Variants in PIP4K2A observed in about 807,000 individuals in gnomAD.
PIP4K2A encodes phosphatidylinositol 5-phosphate 4-kinase type-2 alpha.
A neutral mutation model predicts 42.9 loss-of-function variants in PIP4K2A; 14 were observed. The observed-to-expected ratio is 0.33, with a 90% confidence interval of 0.22 to 0.51. The LOEUF (loss-of-function observed/expected upper bound fraction) is 0.51, where lower values mean the gene tolerates loss of function less well. Among genes scored for constraint, PIP4K2A ranks in the 20% least tolerant of loss-of-function variants. PIP4K2A has a pLI of 0.97. For synonymous variants in PIP4K2A, 192 were observed against 192.2 expected (o/e 1.00, Z 0.01); for missense variants, 434 against 519.8 (o/e 0.83, Z 1.61).
rs576654595 is a variant in PIP4K2A at position 22,677,469 on chromosome 10, T to C, written c.144+36714A>G. On this transcript the variant is annotated intron_variant, in intron 1 of 9. Transcript: ENST00000376573. ...CAGGCTCTCAGGCTGCATTTTACAC[T>C]GGGGCACAACTCCCTGCAGATAGCC... Among the ~76,000 whole-genome samples the C allele has an allele frequency of 3.1e-3, 477 of 152,238 alleles. 2 individuals are homozygous for C. Among genetic ancestry groups the C allele is most frequent in the African/African-American group, 0.011 (447 of 41,544 alleles).
At chr10:22,654,428 G>A (rs747473002) in intron 1 of PIP4K2A, among the ~76,000 whole-genome samples, 2 of 152,140 alleles carry the variant, frequency 1.3e-5, no homozygotes, top group Admixed American at 6.5e-5. Flanking sequence ...GATCCAAATC[G>A]TAAGTACAAA....
At chr10:22,577,908 C>T (rs1159183232) in intron 4 of PIP4K2A, among the ~76,000 whole-genome samples, 1 of 152,216 alleles carries the variant, frequency 6.6e-6, no homozygotes, top group Non-Finnish European at 1.5e-5. Context: ...CTTGAACGTA[C>T]ACTTTGAGGG....
intron 5 of PIP4K2A, among the ~76,000 whole-genome samples, chr10:22,572,959 T>A (rs557302909): frequency 1.3e-4 from 20 of 152,376 alleles, no homozygotes; most frequent in African/African-American, 4.6e-4. Context: ...CTTCTGGGTA[T>A]GCTCTATGAC....
chr10:22,708,431 T>C (rs1262611202), intron 1 of PIP4K2A, among the ~76,000 whole-genome samples: 1 of 152,176 alleles, frequency 6.6e-6, no homozygotes, highest in East Asian at 1.9e-4. Context: ...CCAGCCCTAG[T>C]GGCTCCCGAG....
At chr10:22,616,024 C>T (rs1169057078) in intron 1 of PIP4K2A, among the ~76,000 whole-genome samples, 3 of 134,724 alleles carry the variant, frequency 2.2e-5, no homozygotes, top group Non-Finnish European at 3.5e-5. Context: ...CCTTGCTGCC[C>T]GGCCATTGGG....
At chr10:22,624,870 A>G (rs1474793161) in intron 1 of PIP4K2A, among the ~76,000 whole-genome samples, 2 of 152,234 alleles carry the variant, frequency 1.3e-5, no homozygotes, top group African/African-American at 4.8e-5. Flanking sequence ...TGTGTCACCT[A>G]TGAAAACTTT....
chr10:22,663,666 T>G (rs896035790), intron 1 of PIP4K2A, among the ~76,000 whole-genome samples: 2 of 152,116 alleles, frequency 1.3e-5, no homozygotes, highest in African/African-American at 4.8e-5. Context: ...TTGATATATA[T>G]TCTTCTAGAC....
intron 1 of PIP4K2A, among the ~76,000 whole-genome samples, chr10:22,674,217 G>C (rs2130865293): frequency 6.6e-6 from 1 of 152,184 alleles, no homozygotes; most frequent in Non-Finnish European, 1.5e-5. Flanking sequence ...TCTTGTGCAT[G>C]GTGGGTATTC....
chr10:22,545,908 G>A (rs777596705), intron 7 of PIP4K2A, among the ~76,000 whole-genome samples: 10 of 152,134 alleles, frequency 6.6e-5, no homozygotes, highest in Non-Finnish European at 1.5e-4. Flanking sequence ...ATCTTGCTGT[G>A]TTGTCCAGGC....
intron 7 of PIP4K2A, among the ~76,000 whole-genome samples, chr10:22,546,982 T>G (rs1049449832): frequency 2.6e-5 from 4 of 152,226 alleles, no homozygotes; most frequent in Admixed American, 6.5e-5. Context: ...AGAAACCACC[T>G]GCTGGACCTC....
At chr10:22,549,919 TAA>T (rs1564416070) in intron 7 of PIP4K2A, among the ~76,000 whole-genome samples, 3 of 148,660 alleles carry the variant, frequency 2.0e-5, no homozygotes, top group South Asian at 2.2e-4. Context: ...CCTGGATTTA[TAA>T]AAGACTTAAA....
At chr10:22,654,521 G>A (rs1436425921) in intron 1 of PIP4K2A, among the ~76,000 whole-genome samples, 1 of 152,178 alleles carries the variant, frequency 6.6e-6, no homozygotes, top group Admixed American at 6.5e-5. Context: ...GGATCAAAAG[G>A]GCAACAGAAG....
chr10:22,697,089 T>C (rs997650), intron 1 of PIP4K2A, among the ~76,000 whole-genome samples: 31,811 of 151,860 alleles, frequency 0.21, 4,176 homozygotes, highest in African/African-American at 0.36. Flanking sequence ...AGCTCTACTT[T>C]TTTCCTTCAA....
At chr10:22,670,167 C>G (rs984029692) in intron 1 of PIP4K2A, among the ~76,000 whole-genome samples, 2 of 152,042 alleles carry the variant, frequency 1.3e-5, no homozygotes, top group African/African-American at 4.8e-5. Context: ...TCACTTGAGC[C>G]CAGAAGTTTA....
intron 1 of PIP4K2A, among the ~76,000 whole-genome samples, chr10:22,623,567 G>A (rs142557988): frequency 6.8e-6 from 1 of 147,458 alleles, no homozygotes; most frequent in East Asian, 1.9e-4. Flanking sequence ...TATATTGGAA[G>A]GGAGGTACCC....
intron 4 of PIP4K2A, among the ~76,000 whole-genome samples, chr10:22,576,259 T>C (rs1000506190): frequency 6.6e-6 from 1 of 152,172 alleles, no homozygotes; most frequent in Non-Finnish European, 1.5e-5. Context: ...TGGAGGAACA[T>C]TTAACTGGGT....
At chr10:22,606,680 AGG>A (rs1013724797) in intron 3 of PIP4K2A, among the ~76,000 whole-genome samples, 1 of 152,236 alleles carries the variant, frequency 6.6e-6, no homozygotes. Context: ...AGGAAAATAC[AGG>A]GTAAGCTGTA....
At position 22,535,453 on chromosome 10, in the gene PIP4K2A, A is replaced by G. The variant is rs1457779649; in HGVS notation, c.*1748T>C. 2 of 152,184 alleles carry G rather than the reference A, an allele frequency of 1.3e-5. No homozygotes were observed. The highest frequency in any genetic ancestry group is 4.8e-5 in the African/African-American group (2 of 41,430). 9.4% of individuals were successfully genotyped at this position (152,184 alleles called of 1,614,324 possible). On this transcript the variant is annotated 3_prime_UTR_variant, in exon 10 of 10. Transcript: ENST00000376573. ...AGGGCACGACTGCTGGCTTCCAAAG[A>G]CTCTGTGAACTAGATCCACATACAC...
intron 1 of PIP4K2A, among the ~76,000 whole-genome samples, chr10:22,703,974 G>A (rs1022310811): frequency 3.9e-5 from 6 of 152,242 alleles, no homozygotes; most frequent in East Asian, 3.9e-4. Context: ...GACAGGGGAC[G>A]GGGCAGAGTG....
Sources: gnomAD v4.1 joint callset for allele counts (sites outside exome capture counted in the v4.1 genomes callset) on GRCh38, gnomAD v4.1.1 for gene constraint, MANE v1.5 for transcripts, NCBI Gene and HGNC (gene_info 2026-07-23, HGNC 2026-07-21) for gene names.